WIPF1: variants seen among roughly 807,000 people sequenced by gnomAD.
WIPF1 encodes WAS/WASL-interacting protein family member 1.
WIPF1 carries 13 observed loss-of-function variants against 35.4 expected under a neutral mutation model. The observed-to-expected ratio is 0.37, with a 90% CI of 0.24 to 0.58. The LOEUF (loss-of-function observed/expected upper bound fraction) is 0.58, where lower values mean the gene tolerates loss of function less well. Ranked by LOEUF, WIPF1 falls within the 20% of genes least tolerant of loss-of-function variation. The pLI is 0.74. For synonymous variants in WIPF1, 267 were observed against 266.3 expected (o/e 1.00, Z -0.02); for missense variants, 591 against 667.0 (o/e 0.89, Z 1.25).
At chr2:174,595,028 T>C (rs982090732) in intron 1 of WIPF1, among the ~76,000 whole-genome samples, 3 of 137,692 alleles carry the variant, frequency 2.2e-5, no homozygotes, top group Admixed American at 7.9e-5. Context: ...GGTGGGAAGA[T>C]AGCTTGAGCC....
intron 1 of WIPF1, among the ~76,000 whole-genome samples, chr2:174,638,883 C>T (rs1687239989): frequency 6.6e-6 from 1 of 152,154 alleles, no homozygotes. Context: ...GATTTCATAT[C>T]CTTTGGATAT....
Position 174,572,215 on chromosome 2 carries a change from C to T in WIPF1, c.590G>A (p.Ser197Asn), listed in dbSNP as rs541606974. ...TGGTGGGGACCCCCGGTTGTGCGGA[C>T]TTGATTGAATGGGTCTTGGAGTACT... ...VPSTPRPIQS[S>N]PHNRGSPPVP... Residue 197 changes from serine to asparagine, a missense_variant, in exon 5 of 8, where the codon AGT becomes AAT. Physicochemically the swap from Ser to Asn is conservative, Grantham distance 46. Around this residue, in one of 3 missense-constraint regions of WIPF1, gnomAD observed 471 missense variants for 501.1 expected, o/e 0.94. Transcript: ENST00000679041. 342 of 1,614,136 alleles carry T rather than the reference C, an allele frequency of 2.1e-4. 3 individuals carry two copies. The South Asian group carries it at 3.5e-3, about 17-fold the overall frequency.
At chr2:174,678,407 A>G (rs1688178504) in intron 1 of WIPF1, among the ~76,000 whole-genome samples, 1 of 152,184 alleles carries the variant, frequency 6.6e-6, no homozygotes, top group African/African-American at 2.4e-5. Flanking sequence ...CTATTAGCAT[A>G]GTCTATTATT....
At chr2:174,666,439 G>T (rs1687892802) in intron 1 of WIPF1, among the ~76,000 whole-genome samples, 1 of 152,124 alleles carries the variant, frequency 6.6e-6, no homozygotes, top group Non-Finnish European at 1.5e-5. Flanking sequence ...TACCTCAGGG[G>T]GTAAAAAAGG....
intron 7 of WIPF1, 121 bp from the exon 8 acceptor site, chr2:174,562,723 A>T (rs1684520964): frequency 7.7e-6 from 10 of 1,300,734 alleles, no homozygotes; most frequent in Non-Finnish European, 1.1e-5. Flanking sequence ...GCTGTCAGCT[A>T]ACTGGCGTAT....
chr2:174,616,297 G>C (rs1686503232), intron 1 of WIPF1, among the ~76,000 whole-genome samples: 1 of 152,154 alleles, frequency 6.6e-6, no homozygotes, highest in Non-Finnish European at 1.5e-5. Context: ...TATCCATCCT[G>C]AGGTCAAGAT....
At chr2:174,620,786 G>A (rs775608028) in intron 1 of WIPF1, among the ~76,000 whole-genome samples, 43 of 152,188 alleles carry the variant, frequency 2.8e-4, no homozygotes, top group Admixed American at 2.6e-3. Context: ...TGGGGGTGCC[G>A]GAGCAATGAA....
At position 174,671,832 on chromosome 2, in the gene WIPF1, T is replaced by C. The variant is rs140845650; in HGVS notation, c.-39+10942A>G. Among the ~76,000 whole-genome samples the C allele has an allele frequency of 4.7e-3, 709 of 152,318 alleles. 5 individuals are homozygous for C. The highest frequency in any genetic ancestry group is 0.016 in the African/African-American group (678 of 41,568). Reference sequence around the variant, plus strand: ...TCTGCTCTCAAACCCTGTCTCCTGATGTTATCAATGACAATGCGTGCCCGA... The same window carrying C: ...TCTGCTCTCAAACCCTGTCTCCTGACGTTATCAATGACAATGCGTGCCCGA... On this transcript the variant is annotated intron_variant, in intron 1 of 8. Transcript: ENST00000272746.
intron 1 of WIPF1, among the ~76,000 whole-genome samples, chr2:174,638,319 T>C (rs1161992585): frequency 6.6e-6 from 1 of 152,240 alleles, no homozygotes; most frequent in Non-Finnish European, 1.5e-5. Context: ...ATGTGATATT[T>C]TGATACATAT....
chr2:174,602,902 A>G (rs1574827649), intron 1 of WIPF1, among the ~76,000 whole-genome samples: 1 of 152,258 alleles, frequency 6.6e-6, no homozygotes, highest in East Asian at 1.9e-4. Context: ...TCACTCTCAA[A>G]CCATGTGCAT....
chr2:174,621,722 T>A (rs183649444), intron 1 of WIPF1, among the ~76,000 whole-genome samples: 1 of 152,334 alleles, frequency 6.6e-6, no homozygotes, highest in East Asian at 1.9e-4. Context: ...ATATAAAAAT[T>A]ACTAACGAGA....
intron 1 of WIPF1, among the ~76,000 whole-genome samples, chr2:174,610,110 C>T (rs915550477): frequency 6.6e-6 from 1 of 152,128 alleles, no homozygotes; most frequent in South Asian, 2.1e-4. Flanking sequence ...AAAACACTTT[C>T]GGGTTGCCTC....
rs1392225167 is a variant in WIPF1 at position 174,647,973 on chromosome 2, G to T, written c.-39+34801C>A. ...CCAGGCAGAATCCGGACCATGTGGG[G>T]TCTCAAGATTTATTCAGGTTACAAT... On this transcript the variant is annotated intron_variant, in intron 1 of 8. Coordinates refer to the WIPF1 transcript ENST00000272746. 3.9e-5 allele frequency among the ~76,000 whole-genome samples: 6 copies of T among 152,174 alleles called. No homozygotes were observed. The East Asian group carries it at 7.7e-4, about 20-fold the overall frequency.
intron 1 of WIPF1, among the ~76,000 whole-genome samples, chr2:174,664,416 G>T (rs1198824907): frequency 2.0e-5 from 3 of 152,170 alleles, no homozygotes; most frequent in African/African-American, 7.2e-5. Flanking sequence ...CTCCATTTAG[G>T]ATCCAACAGA....
At chr2:174,676,273 TCCC>T in intron 1 of WIPF1, 1 of 143,204 alleles carries the variant, frequency 7.0e-6, no homozygotes, top group African/African-American at 2.7e-5. Flanking sequence ...CAGTGTGATA[TCCC>T]TCCCTCCCTC....
At chr2:174,626,940 G>T (rs1260517538) in intron 1 of WIPF1, among the ~76,000 whole-genome samples, 1 of 151,258 alleles carries the variant, frequency 6.6e-6, no homozygotes, top group Non-Finnish European at 1.5e-5. Flanking sequence ...CCAGACTCTG[G>T]GGGGAAAGCC....
chr2:174,655,314 G>A (rs771228472), intron 1 of WIPF1, among the ~76,000 whole-genome samples: 26 of 151,980 alleles, frequency 1.7e-4, no homozygotes, highest in Non-Finnish European at 2.5e-4. Context: ...ACCTCCCTCC[G>A]TTCTTAGTAT....
intron 1 of WIPF1, among the ~76,000 whole-genome samples, chr2:174,659,136 T>G (rs1687705617): frequency 6.6e-6 from 1 of 152,104 alleles, no homozygotes; most frequent in Non-Finnish European, 1.5e-5. Flanking sequence ...AGTCAACAGG[T>G]AGTTTCTCTT....
chr2:174,627,544 CTTTCT>C (rs1334513602), intron 1 of WIPF1, among the ~76,000 whole-genome samples: 11 of 139,236 alleles, frequency 7.9e-5, no homozygotes. Context: ...CTTTCTTTCT[CTTTCT>C]TTTTTTTTTT....
Sources: allele counts gnomAD v4.1 joint callset (sites outside exome capture counted in the v4.1 genomes callset), GRCh38; gene constraint gnomAD v4.1.1; regional missense constraint gnomAD v4.1.1; transcripts MANE v1.5; gene names NCBI Gene and HGNC (gene_info 2026-07-23, HGNC 2026-07-21).